DOCK2: variants seen among roughly 807,000 people sequenced by gnomAD.
The protein encoded by DOCK2 is dedicator of cytokinesis protein 2.
A neutral mutation model predicts 248.9 loss-of-function variants in DOCK2; 87 were observed. The ratio of observed to expected loss-of-function variants is 0.35; its 90% CI spans 0.29 to 0.42. The LOEUF (loss-of-function observed/expected upper bound fraction) is 0.42. Among genes scored for constraint, DOCK2 ranks in the 10% least tolerant of loss-of-function variants. The pLI is 1.00. For missense variants in DOCK2, 1,747 were observed against 2,300.2 expected (o/e 0.76, Z 4.92); for synonymous variants, 805 against 821.6 (o/e 0.98, Z 0.35).
chr5:169,897,863 C>T (rs923710431), intron 27 of DOCK2, among the ~76,000 whole-genome samples: 2 of 152,194 alleles, frequency 1.3e-5, no homozygotes, highest in African/African-American at 4.8e-5. Flanking sequence ...GGAGTGGACT[C>T]TCAAAAGAAG....
intron 26 of DOCK2, among the ~76,000 whole-genome samples, chr5:169,826,722 G>T (rs1488479489): frequency 6.6e-6 from 1 of 152,198 alleles, no homozygotes; most frequent in Non-Finnish European, 1.5e-5. Context: ...TCTTAATATG[G>T]AGAGGCAGTG....
chr5:169,970,549 A>G (rs369380382), intron 27 of DOCK2, among the ~76,000 whole-genome samples: 3 of 152,174 alleles, frequency 2.0e-5, no homozygotes, highest in East Asian at 3.9e-4. Flanking sequence ...CTATGGGGAA[A>G]CCACCCAACC....
intron 27 of DOCK2, chr5:169,875,649 A>T (rs1772283604): frequency 1.1e-5 from 2 of 187,964 alleles, no homozygotes; most frequent in South Asian, 9.8e-5. Flanking sequence ...CCTGAGCAAC[A>T]GTTCCTTCAT....
intron 27 of DOCK2, among the ~76,000 whole-genome samples, chr5:169,945,952 A>G (rs905917542): frequency 2.6e-5 from 4 of 152,198 alleles, no homozygotes; most frequent in Non-Finnish European, 4.4e-5. Flanking sequence ...AGGAAGCCAC[A>G]TGAGCAGGCC....
chr5:169,863,054 C>T (rs1581309077), intron 27 of DOCK2, among the ~76,000 whole-genome samples: 1 of 152,310 alleles, frequency 6.6e-6, no homozygotes, highest in Middle Eastern at 3.4e-3. Context: ...GAGTATATAG[C>T]AATTACTTAA....
chr5:169,992,225 G>A (rs2113794329), intron 29 of DOCK2, among the ~76,000 whole-genome samples: 1 of 152,328 alleles, frequency 6.6e-6, no homozygotes, highest in Middle Eastern at 3.4e-3. Flanking sequence ...AAAAGCAACA[G>A]AGGAAAGAAT....
intron 27 of DOCK2, among the ~76,000 whole-genome samples, chr5:169,843,680 C>T (rs879371702): frequency 2.0e-5 from 3 of 152,170 alleles, no homozygotes; most frequent in Non-Finnish European, 4.4e-5. Context: ...TTCTTTTACT[C>T]TCCAAAGTTC....
At position 169,893,882 on chromosome 5, in the gene DOCK2, G is replaced by A. The variant is rs561064797; in HGVS notation, c.2799+53030G>A. On this transcript the variant is annotated intron_variant, in intron 27 of 51. Coordinates refer to ENST00000520908, the MANE Select transcript of DOCK2 (RefSeq NM_004946.3). ...GGCAGGAAAATCGTTTTCCATCTCA[G>A]CATCACTTTCTGTGGTTTTGTGGTA... Among the ~76,000 whole-genome samples, 11 of 152,302 alleles carry A rather than the reference G, an allele frequency of 7.2e-5. No homozygotes were observed. In the South Asian group the frequency reaches 2.3e-3, roughly 32 times the overall value.
At chr5:169,788,087 A>T (rs1561695941) in intron 25 of DOCK2, among the ~76,000 whole-genome samples, 1 of 152,118 alleles carries the variant, frequency 6.6e-6, no homozygotes, top group Non-Finnish European at 1.5e-5. Context: ...ACTCAAACTC[A>T]TTATTTCCAA....
At chr5:169,695,573 T>C (rs1473844883) in intron 9 of DOCK2, among the ~76,000 whole-genome samples, 1 of 152,254 alleles carries the variant, frequency 6.6e-6, no homozygotes, top group Admixed American at 6.5e-5. Context: ...GAATTGGGAT[T>C]AAACACTAGA....
intron 1 of DOCK2, among the ~76,000 whole-genome samples, 183 bp from the exon 2 acceptor site, chr5:169,654,220 T>C (rs1176534891): frequency 2.0e-5 from 3 of 152,176 alleles, no homozygotes; most frequent in Non-Finnish European, 4.4e-5. Context: ...TAATAGAAGG[T>C]CTTGGGAGCC....
At chr5:170,082,043 A>C in intron 51 of DOCK2, 59 bp downstream of exon 51, 1 of 1,589,882 alleles carries the variant, frequency 6.3e-7, no homozygotes, top group Non-Finnish European at 8.6e-7. Flanking sequence ...GGAAGAGAGC[A>C]ATGCAGAGAG....
At chr5:169,771,054 T>A (rs763025778) in intron 25 of DOCK2, among the ~76,000 whole-genome samples, 10 of 152,206 alleles carry the variant, frequency 6.6e-5, no homozygotes, top group Non-Finnish European at 1.3e-4. Flanking sequence ...TTGTACCAAT[T>A]TACACTCCCA....
intron 23 of DOCK2, among the ~76,000 whole-genome samples, chr5:169,754,047 A>G (rs910585805): frequency 3.3e-5 from 5 of 152,152 alleles, no homozygotes; most frequent in African/African-American, 1.2e-4. Context: ...ATTTCAAGAC[A>G]TGTTCATTTT....
intron 27 of DOCK2, chr5:169,883,747 A>C: frequency 1.3e-6 from 2 of 1,551,644 alleles, no homozygotes; most frequent in Non-Finnish European, 1.7e-6. Flanking sequence ...AACCTCAGCT[A>C]GGCCAGTTGG....
intron 27 of DOCK2, among the ~76,000 whole-genome samples, chr5:169,887,834 C>T (rs557621356): frequency 6.6e-6 from 1 of 152,274 alleles, no homozygotes; most frequent in East Asian, 1.9e-4. Context: ...GTTCTACTAA[C>T]GTGCAACTCT....
At chr5:169,985,784 C>T (rs1166336202) in intron 28 of DOCK2, 44 bp from the exon 29 acceptor site, 4 of 1,525,084 alleles carry the variant, frequency 2.6e-6, no homozygotes, top group Non-Finnish European at 3.6e-6. Context: ...GCTCTGAGTT[C>T]CTGTAAAACA....
At chr5:169,947,729 T>G (rs2113718098) in intron 27 of DOCK2, among the ~76,000 whole-genome samples, 1 of 152,360 alleles carries the variant, frequency 6.6e-6, no homozygotes. Flanking sequence ...TCAGCATGCA[T>G]GTATTGTTCT....
At chr5:169,825,989 A>C (rs954775427) in intron 26 of DOCK2, among the ~76,000 whole-genome samples, 1 of 151,870 alleles carries the variant, frequency 6.6e-6, no homozygotes, top group Non-Finnish European at 1.5e-5. Flanking sequence ...TTGAGAAGAG[A>C]TGACGTAGCA....
Sources: gnomAD v4.1 joint callset for allele counts (sites outside exome capture counted in the v4.1 genomes callset) on GRCh38, gnomAD v4.1.1 for gene constraint, MANE v1.5 for transcripts, NCBI Gene and HGNC (gene_info 2026-07-23, HGNC 2026-07-21) for gene names.